Variants in ROBO1 observed in about 807,000 individuals in gnomAD.
ROBO1 encodes the protein roundabout homolog 1.
A neutral mutation model predicts 195.9 loss-of-function variants in ROBO1; 149 were observed. The ratio of observed to expected loss-of-function variants is 0.76; its 90% CI spans 0.67 to 0.87. The LOEUF is 0.87. ROBO1 is among the 40% of genes least tolerant of loss of function. The pLI is 0.00. For synonymous variants in ROBO1, 816 were observed against 733.2 expected (o/e 1.11, Z -1.82); for missense variants, 1,933 against 2,068.3 (o/e 0.93, Z 1.27).
intron 4 of ROBO1, among the ~76,000 whole-genome samples, chr3:78,766,600 G>T (rs1258514200): frequency 6.6e-6 from 1 of 152,084 alleles, no homozygotes; most frequent in Non-Finnish European, 1.5e-5. Context: ...TGATTTGGAT[G>T]CCCTTTATTT....
intron 2 of ROBO1, among the ~76,000 whole-genome samples, chr3:79,310,838 T>G (rs554656535): frequency 6.6e-6 from 1 of 152,188 alleles, no homozygotes; most frequent in African/African-American, 2.4e-5. Flanking sequence ...TGTAATGCAT[T>G]TTCTGAAATC....
intron 1 of ROBO1, among the ~76,000 whole-genome samples, chr3:79,631,518 G>T (rs1052180369): frequency 4.6e-5 from 7 of 151,894 alleles, no homozygotes; most frequent in Non-Finnish European, 1.0e-4. Flanking sequence ...TATAAGACCT[G>T]AAGTTATAAA....
intron 4 of ROBO1, among the ~76,000 whole-genome samples, chr3:78,884,635 GAA>G (rs1427119257): frequency 2.7e-5 from 2 of 74,502 alleles, no homozygotes; most frequent in African/African-American, 1.4e-4. Flanking sequence ...GAAAGAAAGA[GAA>G]AGAAAGAAAG....
intron 24 of ROBO1, among the ~76,000 whole-genome samples, chr3:78,631,649 T>A (rs1705196652): frequency 6.6e-6 from 1 of 152,210 alleles, no homozygotes; most frequent in Non-Finnish European, 1.5e-5. Context: ...TTCTATTATT[T>A]AATTGCTGGA....
At chr3:78,639,933 A>G (rs1191838163) in intron 21 of ROBO1, 35 bp from the exon 22 acceptor site, 2 of 1,453,376 alleles carry the variant, frequency 1.4e-6, no homozygotes, top group Non-Finnish European at 1.8e-6. Context: ...CAAATGTTAT[A>G]TGAATAGAGA....
At chr3:79,165,698 T>C (rs2081051424) in intron 2 of ROBO1, among the ~76,000 whole-genome samples, 1 of 152,212 alleles carries the variant, frequency 6.6e-6, no homozygotes, top group Non-Finnish European at 1.5e-5. Flanking sequence ...GTATCTATAA[T>C]GGCACGATGT....
chr3:78,928,782 T>C (rs1355514450), intron 4 of ROBO1, among the ~76,000 whole-genome samples: 2 of 152,194 alleles, frequency 1.3e-5, no homozygotes, highest in East Asian at 3.9e-4. Context: ...CTATGACAAG[T>C]GCTGAATTAC....
At chr3:79,569,693 A>G (rs971379227) in intron 2 of ROBO1, among the ~76,000 whole-genome samples, 4 of 151,168 alleles carry the variant, frequency 2.6e-5, no homozygotes, top group African/African-American at 9.7e-5. Context: ...GTGTGTGTAT[A>G]TATATATGTG....
chr3:79,368,778 C>A (rs1475974103), intron 2 of ROBO1, among the ~76,000 whole-genome samples: 7 of 152,040 alleles, frequency 4.6e-5, no homozygotes, highest in Admixed American at 2.6e-4. Context: ...CCGCTTGCAC[C>A]TTTTTTGCTC....
chr3:79,589,742 G>A, intron 2 of ROBO1, 82 bp downstream of exon 2: 3 of 1,126,600 alleles, frequency 2.7e-6, no homozygotes, highest in Admixed American at 1.8e-5. Context: ...AACTTGATTT[G>A]CAACACACAC....
chr3:79,500,018 G>C (rs746143576), intron 2 of ROBO1, among the ~76,000 whole-genome samples: 9 of 151,610 alleles, frequency 5.9e-5, no homozygotes, highest in Non-Finnish European at 1.0e-4. Context: ...GTATTAGTCA[G>C]GCTGCTTTCA....
At chr3:79,003,047 C>T (rs1321812041) in intron 3 of ROBO1, among the ~76,000 whole-genome samples, 4 of 152,152 alleles carry the variant, frequency 2.6e-5, no homozygotes, top group Non-Finnish European at 4.4e-5. Flanking sequence ...AATTGTAAAT[C>T]TCTTAATCCT....
At chr3:79,115,239 C>T (rs187910460) in intron 3 of ROBO1, among the ~76,000 whole-genome samples, 1 of 152,162 alleles carries the variant, frequency 6.6e-6, no homozygotes, top group East Asian at 1.9e-4. Context: ...ACTAAGAACA[C>T]AAAAATGTGC....
At chr3:79,278,942 A>G (rs2031285700) in intron 2 of ROBO1, among the ~76,000 whole-genome samples, 1 of 152,172 alleles carries the variant, frequency 6.6e-6, no homozygotes, top group East Asian at 1.9e-4. Flanking sequence ...TGACTCATTT[A>G]AGGGGTTTAA....
chr3:79,172,951 T>C (rs1441028610), intron 2 of ROBO1, among the ~76,000 whole-genome samples: 1 of 152,164 alleles, frequency 6.6e-6, no homozygotes, highest in Non-Finnish European at 1.5e-5. Flanking sequence ...AGATACTTCT[T>C]ATATATCTAT....
chr3:79,464,802 G>A (rs1015064763), intron 2 of ROBO1, among the ~76,000 whole-genome samples: 5 of 152,028 alleles, frequency 3.3e-5, no homozygotes. Flanking sequence ...AAAGGATTAT[G>A]ATCAATACTC....
chr3:79,184,184 C>T (rs1207308960), intron 2 of ROBO1, among the ~76,000 whole-genome samples: 2 of 152,180 alleles, frequency 1.3e-5, no homozygotes, highest in East Asian at 3.9e-4. Context: ...CTTTTAAATA[C>T]CCCAAATGAG....
intron 3 of ROBO1, among the ~76,000 whole-genome samples, chr3:79,078,807 A>G (rs1462820999): frequency 6.6e-6 from 1 of 151,770 alleles, no homozygotes; most frequent in Admixed American, 6.6e-5. Flanking sequence ...ACCAAAGGGA[A>G]CCAAATAATT....
At chr3:79,342,355 T>C (rs1295244935) in intron 2 of ROBO1, among the ~76,000 whole-genome samples, 1 of 152,144 alleles carries the variant, frequency 6.6e-6, no homozygotes, top group Non-Finnish European at 1.5e-5. Flanking sequence ...AACCCCTGTG[T>C]GAATAGAATA....
Sources: gnomAD v4.1 joint callset for allele counts (sites outside exome capture counted in the v4.1 genomes callset) on GRCh38, gnomAD v4.1.1 for gene constraint, MANE v1.5 for transcripts, NCBI Gene and HGNC (gene_info 2026-07-23, HGNC 2026-07-21) for gene names.